Variants in ANKLE1 observed in about 807,000 individuals in gnomAD.
The protein encoded by ANKLE1 is structure-specific endonuclease ANKLE1.
ANKLE1 carries 59 observed loss-of-function variants against 56.2 expected under a neutral mutation model. That is an observed-to-expected ratio of 1.05 (90% CI 0.85 to 1.30). ANKLE1 has a LOEUF of 1.30. Ranked by LOEUF, ANKLE1 falls within the 50% of genes most tolerant of loss-of-function variation. ANKLE1 has a pLI of 0.00. For missense variants in ANKLE1, 771 were observed against 816.1 expected (o/e 0.94, Z 0.67); for synonymous variants, 341 against 352.9 (o/e 0.97, Z 0.38).
rs767525364 is a variant in ANKLE1 at position 17,283,438 on chromosome 19, T to C, written c.674T>C (p.Val225Ala). Residue 225 changes from valine (V) to alanine (A), a missense_variant, in exon 5 of 9, where the codon GTT becomes GCT. By Grantham distance (64) the Val-to-Ala change is moderately conservative. Transcript: ENST00000404085. ...TCAGACGCCTCTTTCGTCACAGCGG[T>C]TGAGGTCTCTGGAGCTGAGGACCCA... ...YSSDASFVTA[V>A]EVSGAEDPAS... The C allele has an allele frequency of 1.9e-6, 3 of 1,613,522 alleles. No homozygotes were observed. Among genetic ancestry groups the C allele is most frequent in the Non-Finnish European group, 2.5e-6 (3 of 1,179,802 alleles).
chr19:17,285,480 C>G lies in ANKLE1; in HGVS notation c.1426C>G (p.Arg476Gly), dbSNP rs139046298. 1 of 1,613,774 alleles carries G rather than the reference C, an allele frequency of 6.2e-7. No homozygotes were observed. Among genetic ancestry groups the G allele is most frequent in the Non-Finnish European group, 8.5e-7 (1 of 1,179,898 alleles). Residue 476 changes from arginine (R) to glycine (G), a missense_variant, in exon 7 of 9, where the codon CGC (arginine) becomes GGC (glycine). Coordinates refer to ENST00000404085, the MANE Select transcript of ANKLE1 (RefSeq NM_152363.6). Reference sequence around the variant, plus strand: ...AGCCTTCTCACTGACCCCAGCTGAGCGCCTTCAGACTTTCATCCGTGCCAT... The same window carrying G: ...AGCCTTCTCACTGACCCCAGCTGAGGGCCTTCAGACTTTCATCCGTGCCAT... ...ARAFSLTPAE[R>G]LQTFIRAIFY...
Position 17,286,785 on chromosome 19 carries a change from G to A in ANKLE1, c.*233G>A. The A allele has an allele frequency of 7.2e-7, 1 of 1,390,152 alleles. No individual in the cohort carries two copies. Among genetic ancestry groups the A allele is most frequent in the East Asian group, 2.9e-5 (1 of 34,260 alleles). 86.1% of individuals were successfully genotyped at this position (1,390,152 alleles called of 1,614,324 possible). A position where few individuals can be genotyped will look rare whatever the true frequency, so the allele number is the denominator to read the frequency against. ...TACAGATGGTACTGCTGGAGAGGTA[G>A]TAAGTAGTGAGCTCCCCATCGTGGG... On this transcript the variant is annotated 3_prime_UTR_variant, in exon 9 of 9. Transcript: ENST00000404085.
intron 4 of ANKLE1, 83 bp from the exon 5 acceptor site, chr19:17,283,142 G>A: frequency 6.4e-7 from 1 of 1,552,066 alleles, no homozygotes; most frequent in Admixed American, 1.9e-5. Flanking sequence ...CAGACACTCT[G>A]ATCTCCTTTT....
rs532120578 is a variant in ANKLE1 at position 17,282,635 on chromosome 19, C to A, written c.216-21C>A. The A allele has an allele frequency of 1.4e-5, 22 of 1,531,316 alleles. No homozygotes were observed. In the African/African-American group the frequency reaches 3.0e-4, roughly 21 times the overall value. The allele number at this position is 1,531,316 out of a possible 1,614,324, so 94.9% of individuals were successfully genotyped here. A position where few individuals can be genotyped will look rare whatever the true frequency, so the allele number is the denominator to read the frequency against. On this transcript the variant is annotated intron_variant, in intron 2 of 8. Transcript: ENST00000404085. ...CCGGGAGGCTGAGTCCGCAATGACCCCTCTTGCGCTGCCGCCCCAGATCTG... is the reference window on the plus strand; with the variant it reads ...CCGGGAGGCTGAGTCCGCAATGACCACTCTTGCGCTGCCGCCCCAGATCTG...
Position 17,282,128 on chromosome 19 carries a change from A to T in ANKLE1, c.134A>T (p.His45Leu). 2 of 1,540,364 alleles carry T rather than the reference A, an allele frequency of 1.3e-6. No homozygotes were observed. Among genetic ancestry groups the T allele is most frequent in the Non-Finnish European group, 1.7e-6 (2 of 1,145,930 alleles). ...LVLEDGAAAV[H>L]LAAGARHPRG... ...CTAGAGGACGGCGCAGCGGCTGTGC[A>T]CTTGGCGGCCGGAGCCCGGCACCCG... The change falls in exon 2 of 9, where the codon CAC becomes CTC. Residue 45 changes from histidine to leucine, a missense_variant. Transcript: ENST00000404085.
intron 1 of ANKLE1, 23 bp from the exon 2 acceptor site, chr19:17,282,034 C>T (rs1186537373): frequency 2.0e-6 from 3 of 1,537,184 alleles, no homozygotes; most frequent in Admixed American, 3.9e-5. Flanking sequence ...GGCCGGGGTC[C>T]ACTCTGACCG....
rs1321114085 is a variant in ANKLE1 at position 17,282,996 on chromosome 19, C to T, written c.454C>T (p.Pro152Ser). 1.0e-5 allele frequency: 16 copies of T among 1,560,922 alleles called. No homozygotes were observed. Among genetic ancestry groups the T allele is most frequent in the Non-Finnish European group, 1.4e-5 (16 of 1,159,902 alleles). Residue 152 changes from proline (P) to serine (S), a missense_variant, in exon 4 of 9, where the codon CCT becomes TCT. Pro to Ser is a moderately conservative substitution (Grantham distance 74). Coordinates refer to ENST00000404085, the MANE Select transcript of ANKLE1 (RefSeq NM_152363.6). ...AGAGACTCAGGAGCCCGAGCCTGCA[C>T]CTGGCAGTGAGTAGGGCCTGCAGGG... ...GAETQEPEPA[P>S]GTPGLSGPTD... is the part of the protein sequence containing the mutation.
intron 4 of ANKLE1, 40 bp downstream of exon 4, chr19:17,283,042 G>A (rs1192194652): frequency 1.3e-6 from 2 of 1,545,748 alleles, no homozygotes; most frequent in Non-Finnish European, 1.7e-6. Context: ...TTGACTTCTG[G>A]ACCAGTCCCT....
rs756817102 is a variant in ANKLE1 at position 17,282,935 on chromosome 19, C to T, written c.393C>T (p.Leu131=). 36 of 1,571,120 alleles carry T rather than the reference C, an allele frequency of 2.3e-5. 1 individual carries two copies. The South Asian group carries it at 3.9e-4, about 17-fold the overall frequency. ...AGTGCGCGCGAGTCCTGCAGGATCT[C>T]GACACGCGGACCAGGACCCGGACCC... ...HLECARVLQD[L]DTRTRTRTRI... is the part of the protein sequence containing the mutation. Residue 131 remains leucine, a synonymous_variant, in exon 4 of 9, where the codon CTC becomes CTT. Coordinates refer to ENST00000404085, the MANE Select transcript of ANKLE1 (RefSeq NM_152363.6).
Position 17,283,212 on chromosome 19 carries a change from C to G in ANKLE1, c.461-13C>G. The G allele has an allele frequency of 6.3e-7, 1 of 1,597,138 alleles. No homozygotes were observed. Among genetic ancestry groups the G allele is most frequent in the South Asian group, 1.1e-5 (1 of 90,182 alleles). On this transcript the variant is annotated splice_polypyrimidine_tract_variant and intron_variant, in intron 4 of 8. Coordinates refer to ENST00000404085, the MANE Select transcript of ANKLE1 (RefSeq NM_152363.6). ...CTCCTCCTCTCCTCTCTGGCCCCCACTCTCACCTGCAGCCCCAGGCCTCTC... is the reference window on the plus strand; with the variant it reads ...CTCCTCCTCTCCTCTCTGGCCCCCAGTCTCACCTGCAGCCCCAGGCCTCTC...
chr19:17,286,577 C>T lies in ANKLE1; in HGVS notation c.*25C>T. On this transcript the variant is annotated 3_prime_UTR_variant, in exon 9 of 9. Transcript: ENST00000404085. ...AGTGCTGGGGAGTTGGCCATCCAGC[C>T]TGGGGAGAAATGTTTGAATGTTCCA... The T allele has an allele frequency of 6.3e-7, 1 of 1,584,008 alleles. No individual in the cohort carries two copies. Among genetic ancestry groups the T allele is most frequent in the Non-Finnish European group, 8.6e-7 (1 of 1,165,840 alleles).
At position 17,283,457 on chromosome 19, in the gene ANKLE1, G is replaced by A. The variant is rs2073997675; in HGVS notation, c.693G>A (p.Glu231=). The change falls in exon 5 of 9, where the codon GAG becomes GAA. Residue 231 remains glutamate (E), a synonymous_variant. Transcript: ENST00000404085. ...CAGCGGTTGAGGTCTCTGGAGCTGAGGACCCAGCCTCGGACACTCCCCCCT... is the reference window on the plus strand; with the variant it reads ...CAGCGGTTGAGGTCTCTGGAGCTGAAGACCCAGCCTCGGACACTCCCCCCT... ...FVTAVEVSGA[E]DPASDTPPWA... is the part of the protein sequence containing the mutation. 1 of 1,612,992 alleles carries A rather than the reference G, an allele frequency of 6.2e-7. No homozygotes were observed. The highest frequency in any genetic ancestry group is 1.3e-5 in the African/African-American group (1 of 74,908).
Position 17,286,644 on chromosome 19 carries a change from A to AGG in ANKLE1, c.*95_*96dup, listed in dbSNP as rs760333267. 2.7e-6 allele frequency: 4 copies of AGG among 1,483,840 alleles called. No homozygotes were observed. Among genetic ancestry groups the AGG allele is most frequent in the African/African-American group, 1.5e-5 (1 of 66,082 alleles). The allele number at this position is 1,483,840 out of a possible 1,614,324, so 91.9% of individuals were successfully genotyped here. On this transcript the variant is annotated 3_prime_UTR_variant, in exon 9 of 9. Coordinates refer to ENST00000404085, the MANE Select transcript of ANKLE1 (RefSeq NM_152363.6). The stretch of plus-strand genomic sequence containing the variant: ...AGCAGCCCCCATCTCTGGTTTCAGA[A>AGG]GGGGTGTGTGTGTGTGTGTGTGTGT...
intron 6 of ANKLE1, among the ~76,000 whole-genome samples, chr19:17,284,618 A>G (rs1396722390): frequency 6.6e-6 from 1 of 150,852 alleles, no homozygotes; most frequent in African/African-American, 2.4e-5. Flanking sequence ...TCCTGACCTC[A>G]GGTAATCCAC....
chr19:17,285,509 C>G lies in ANKLE1; in HGVS notation c.1455C>G (p.Phe485Leu), dbSNP rs2074021220. The change falls in exon 7 of 9, where the codon TTC becomes TTG. Residue 485 changes from phenylalanine to leucine, a missense_variant. Physicochemically the swap from Phe to Leu is conservative, Grantham distance 22 (BLOSUM62 0). Transcript: ENST00000404085. ...ERLQTFIRAI[F>L]YVGKGTRARP... ...TTCAGACTTTCATCCGTGCCATCTTCTACGTGGGCAAAGGGACGAGGGCCC... is the reference window on the plus strand; with the variant it reads ...TTCAGACTTTCATCCGTGCCATCTTGTACGTGGGCAAAGGGACGAGGGCCC... 1 of 1,613,830 alleles carries G rather than the reference C, an allele frequency of 6.2e-7. No individual in the cohort carries two copies. The highest frequency in any genetic ancestry group is 8.5e-7 in the Non-Finnish European group (1 of 1,179,898).
At position 17,285,525 on chromosome 19, in the gene ANKLE1, A is replaced by G; in HGVS notation, c.1471A>G (p.Thr491Ala). 6.2e-7 allele frequency: 1 copy of G among 1,613,874 alleles called. No individual in the cohort carries two copies. The highest frequency in any genetic ancestry group is 8.5e-7 in the Non-Finnish European group (1 of 1,179,880). ...TGCCATCTTCTACGTGGGCAAAGGG[A>G]CGAGGGCCCGGCCATATGTCCACCT... ...IRAIFYVGKG[T>A]RARPYVHLWE... The change falls in exon 7 of 9, where the codon ACG (threonine) becomes GCG (alanine). Residue 491 changes from threonine to alanine, a missense_variant. By Grantham distance (58) the Thr-to-Ala change is moderately conservative. Coordinates refer to ENST00000404085, the MANE Select transcript of ANKLE1 (RefSeq NM_152363.6).
In ANKLE1 at chr19:17,284,117, A is replaced by G. The variant is rs1252799615; in HGVS notation, c.1227A>G (p.Glu409=). The part of the protein sequence containing the change: ...PGPEFSGHSL[E]LAAALRTGCI... ...CAGAGTTTTCAGGGCACAGCCTAGAACTGGCTGCAGCCCTGCGGACGGGCT... is the reference window on the plus strand; with the variant it reads ...CAGAGTTTTCAGGGCACAGCCTAGAGCTGGCTGCAGCCCTGCGGACGGGCT... Residue 409 remains glutamate (E), a synonymous_variant, in exon 6 of 9, where the codon GAA becomes GAG. Coordinates refer to ENST00000404085, the MANE Select transcript of ANKLE1 (RefSeq NM_152363.6). The G allele has an allele frequency of 1.4e-5, 23 of 1,613,736 alleles. No homozygotes were observed. The highest frequency in any genetic ancestry group is 1.9e-5 in the Non-Finnish European group (23 of 1,179,882).
At position 17,286,371 on chromosome 19, in the gene ANKLE1, TTTC is replaced by T; in HGVS notation, c.1676-7_1676-5del. 6.5e-7 allele frequency: 1 copy of T among 1,543,114 alleles called. No individual in the cohort carries two copies. The highest frequency in any genetic ancestry group is 1.9e-5 in the Admixed American group (1 of 52,188). On this transcript the variant is annotated splice_polypyrimidine_tract_variant and splice_region_variant and intron_variant, in intron 8 of 8. Transcript: ENST00000404085. ...GCTGCCCCTGTGACCCCACATCCAA[TTTC>T]TCCAGGGATCCAGACGCTCACCAAC...
In ANKLE1 at chr19:17,282,109, G is replaced by T; in HGVS notation, c.115G>T (p.Asp39Tyr). Residue 39 changes from aspartate to tyrosine, a missense_variant, in exon 2 of 9, where the codon GAC becomes TAC. Transcript: ENST00000404085. ...CGCGGACCCTAATTTGGTGCTAGAG[G>T]ACGGCGCAGCGGCTGTGCACTTGGC... is the stretch of plus-strand genomic sequence containing the variant. The part of the protein sequence containing the change: ...CGADPNLVLE[D>Y]GAAAVHLAAG... The T allele has an allele frequency of 6.5e-7, 1 of 1,541,706 alleles. No homozygotes were observed.
Sources: allele counts gnomAD v4.1 joint callset (sites outside exome capture counted in the v4.1 genomes callset), GRCh38; gene constraint gnomAD v4.1.1; transcripts MANE v1.5; gene names NCBI Gene and HGNC (gene_info 2026-07-23, HGNC 2026-07-21).